Variants in ACADVL observed in about 807,000 individuals in gnomAD.
ACADVL encodes the protein acyl-CoA dehydrogenase very long chain.
A neutral mutation model predicts 80.4 loss-of-function variants in ACADVL; 73 were observed. The observed-to-expected ratio is 0.91, with a 90% CI of 0.75 to 1.10. The LOEUF is 1.10. Ranked by LOEUF, ACADVL falls within the 50% of genes least tolerant of loss-of-function variation. The probability of loss-of-function intolerance (pLI) is 0.00; values close to 1 mark genes in which losing one functional copy is unlikely to be tolerated. For synonymous variants in ACADVL, 392 were observed against 326.5 expected, an observed-to-expected ratio of 1.20 and a Z score of -2.16; for missense variants, 878 against 858.9, an observed-to-expected ratio of 1.02 and a Z score of -0.28.
In ACADVL at chr17:7,222,625, C is replaced by T. The variant is rs758119300; in HGVS notation, c.879-42C>T. On this transcript the variant is annotated intron_variant, in intron 9 of 19. Transcript: ENST00000356839. ...GAGCAGTTTTTCCCCCAGTGACAACCTGTTGAACACACCTCTGCTTTCCCA... is the reference window on the plus strand; with the variant it reads ...GAGCAGTTTTTCCCCCAGTGACAACTTGTTGAACACACCTCTGCTTTCCCA... The T allele has an allele frequency of 3.8e-6, 6 of 1,565,644 alleles. No individual in the cohort carries two copies. In the African/African-American group the frequency reaches 4.1e-5, roughly 11 times the overall value.
chr17:7,223,817 CA>C lies in ACADVL; in HGVS notation c.1275del (p.Ala426ProfsTer4). 1 of 1,614,124 alleles carries C rather than the reference CA, an allele frequency of 6.2e-7. No homozygotes were observed. The highest frequency in any genetic ancestry group is 8.5e-7 in the Non-Finnish European group (1 of 1,180,028). On this transcript the variant is annotated frameshift_variant, in exon 13 of 20. Coordinates refer to ENST00000356839, the MANE Select transcript of ACADVL (RefSeq NM_000018.4). LOFTEE classifies it high-confidence loss of function. ...AAISKIFGSE[A>X]AWKVTDECIQ... ...TCATCTGTTCTTTGTCCCTAGGAGG[CA>C]GCCTGGAAGGTGACAGATGAATGCA...
intron 18 of ACADVL, 35 bp from the exon 19 acceptor site, chr17:7,224,774 G>A (rs1324290679): frequency 2.5e-6 from 4 of 1,613,790 alleles, no homozygotes; most frequent in Non-Finnish European, 2.5e-6. Context: ...ATCCCAGCCG[G>A]CCCAGATTTA....
chr17:7,217,206 C>T (rs757028100), upstream of ACADVL: 12 of 1,263,786 alleles, frequency 9.5e-6, no homozygotes, highest in Non-Finnish European at 1.2e-5. Context: ...GAGTTTCGTT[C>T]CTCCCCTCCG....
intron 9 of ACADVL, 174 bp downstream of exon 9, chr17:7,222,476 C>A: frequency 8.4e-7 from 1 of 1,186,022 alleles, no homozygotes; most frequent in Non-Finnish European, 1.2e-6. Flanking sequence ...CTCCAGCAAC[C>A]AAGTCCAACA....
At chr17:7,217,328 G>T, upstream of ACADVL, 1 of 855,440 alleles carries the variant, frequency 1.2e-6, no homozygotes, top group Non-Finnish European at 1.6e-6. Context: ...AGGGGAGCGT[G>T]GGAGGGAGGG....
At chr17:7,219,637 G>T, upstream of ACADVL, 1 of 1,239,594 alleles carries the variant, frequency 8.1e-7, no homozygotes, top group Non-Finnish European at 1.0e-6. Flanking sequence ...CACCGGAGAA[G>T]CCCTCCCTTC....
At chr17:7,217,672 T>A (rs1409737578), upstream of ACADVL, 1 of 1,141,386 alleles carries the variant, frequency 8.8e-7, no homozygotes, top group Non-Finnish European at 1.1e-6. Context: ...GGAGCCAGAA[T>A]GGGGGGGGTG....
rs762020897 is a variant in ACADVL, at chr17:7,224,879, A to T, written c.1822A>T (p.Ile608Phe). 1 of 1,614,072 alleles carries T rather than the reference A, an allele frequency of 6.2e-7. No individual in the cohort carries two copies. Among genetic ancestry groups the T allele is most frequent in the Admixed American group, 1.7e-5 (1 of 60,026 alleles). ...GAAAATGCTCTGTGACACCTGGTGT[A>T]TCGAGGTGAGACTCGGGGCTGCCAA... is the stretch of plus-strand genomic sequence containing the variant. Reference protein sequence around the residue: ...HEKMLCDTWCIEAAARIREGM... With the variant: ...HEKMLCDTWCFEAAARIREGM... The change falls in exon 19 of 20, where the codon ATC becomes TTC. Residue 608 changes from isoleucine to phenylalanine, a missense_variant. Physicochemically the swap from Ile to Phe is conservative, Grantham distance 21 (BLOSUM62 0). Coordinates refer to ENST00000356839, the MANE Select transcript of ACADVL (RefSeq NM_000018.4).
At chr17:7,220,889 A>G in intron 5 of ACADVL, 35 bp from the exon 6 acceptor site, 1 of 1,614,080 alleles carries the variant, frequency 6.2e-7, no homozygotes, top group Non-Finnish European at 8.5e-7. Context: ...TAAGCTCAAA[A>G]GGAGCCTGGA....
chr17:7,219,751 C>A (rs1409315170), upstream of ACADVL: 7 of 1,455,554 alleles, frequency 4.8e-6, no homozygotes, highest in South Asian at 4.1e-5. Context: ...GTCGGACGGG[C>A]GGGATTAAGG....
chr17:7,222,378 C>A, intron 9 of ACADVL, 76 bp downstream of exon 9: 1 of 1,579,500 alleles, frequency 6.3e-7, no homozygotes, highest in South Asian at 1.2e-5. Context: ...TGTTGCAAGT[C>A]ACCCTGGGGA....
chr17:7,219,368 AC>A (rs1396104521), upstream of ACADVL: 2 of 1,007,692 alleles, frequency 2.0e-6, no homozygotes, highest in Non-Finnish European at 2.4e-6. Context: ...CAGAGGCTTT[AC>A]TAAGGGAGGG....
At position 7,224,924 on chromosome 17, in the gene ACADVL, G is replaced by A. The variant is rs376013149; in HGVS notation, c.1828-33G>A. On this transcript the variant is annotated intron_variant, in intron 19 of 19. Coordinates refer to ENST00000356839, the MANE Select transcript of ACADVL (RefSeq NM_000018.4). ...TGCCAAGCTCAGGTGAGGGCTGGAG[G>A]TGCAGGCCCAACCCCTCCTTCCCTC... The A allele has an allele frequency of 4.3e-6, 7 of 1,614,052 alleles. No individual in the cohort carries two copies. The African/African-American group carries it at 8.0e-5, about 18-fold the overall frequency.
chr17:7,225,216 C>A lies in ACADVL; in HGVS notation c.*119C>A. 1 of 1,373,028 alleles carries A rather than the reference C, an allele frequency of 7.3e-7. No individual in the cohort carries two copies. Among genetic ancestry groups the A allele is most frequent in the Non-Finnish European group, 1.0e-6 (1 of 978,648 alleles). The allele number at this position is 1,373,028 out of a possible 1,614,324, so 85.1% of individuals were successfully genotyped here. ...CCTAGTGTTCCCAGCACTGTGCCTG[C>A]TCTCAAGAGCACTTACTGCCTCGCA... On this transcript the variant is annotated 3_prime_UTR_variant, in exon 20 of 20. Transcript: ENST00000356839.
Position 7,220,049 on chromosome 17 carries a change from CTG to C in ACADVL, c.62+10_62+11del, listed in dbSNP as rs777656865. 1.9e-6 allele frequency: 3 copies of C among 1,602,868 alleles called. No homozygotes were observed. In the Middle Eastern group the frequency reaches 5.0e-4, roughly 265 times the overall value. On this transcript the variant is annotated splice_donor_5th_base_variant and intron_variant, in intron 1 of 19. Coordinates refer to ENST00000356839, the MANE Select transcript of ACADVL (RefSeq NM_000018.4). ...CTGCTGAGGCTCGGGGGCGGAAGGT[CTG>C]TGTGTGACAAGAGGGACGGTGGGCA...
chr17:7,219,305 G>A (rs2017365), upstream of ACADVL: 455,276 of 757,688 alleles, frequency 0.6, 139,323 homozygotes, highest in Middle Eastern at 0.72. Flanking sequence ...CTGGGCACAT[G>A]GTCTCTGGAA....
chr17:7,221,339 C>A, intron 6 of ACADVL, 199 bp from the exon 7 acceptor site: 1 of 1,015,352 alleles, frequency 9.8e-7, no homozygotes, highest in Non-Finnish European at 1.5e-6. Flanking sequence ...CCTACCTAGA[C>A]CTAAGACAGA....
rs1555528999 is a variant in ACADVL at position 7,224,635 on chromosome 17, CG to C, written c.1679-5del. 6.5e-7 allele frequency: 1 copy of C among 1,546,264 alleles called. No individual in the cohort carries two copies. The highest frequency in any genetic ancestry group is 2.1e-4 in the Middle Eastern group (1 of 4,862). ...CCACCCCCACCCCCACCCCACCTAC[CG>C]GACAGATGAACAGTTTCTGCTGCAG... is the stretch of plus-strand genomic sequence containing the variant. On this transcript the variant is annotated splice_polypyrimidine_tract_variant and splice_region_variant and intron_variant, in intron 17 of 19. Coordinates refer to ENST00000356839, the MANE Select transcript of ACADVL (RefSeq NM_000018.4).
chr17:7,220,046 G>A lies in ACADVL; in HGVS notation c.62G>A (p.Ser21Asn), dbSNP rs753922855. The A allele has an allele frequency of 1.9e-6, 3 of 1,603,378 alleles. No homozygotes were observed. The Admixed American group carries it at 5.0e-5, about 27-fold the overall frequency. ...GRQLLRLGGG[S>N]SRLTALLGQP... is the part of the protein sequence containing the mutation. ...CAGCTGCTGAGGCTCGGGGGCGGAA[G>A]GTCTGTGTGTGACAAGAGGGACGGT... Residue 21 changes from serine to asparagine, a missense_variant and splice_region_variant, in exon 1 of 20, where the codon AGC (serine) becomes AAC (asparagine). Transcript: ENST00000356839.
Sources: allele counts gnomAD v4.1 joint callset, GRCh38; gene constraint gnomAD v4.1.1; transcripts MANE v1.5; gene names NCBI Gene and HGNC (gene_info 2026-07-23, HGNC 2026-07-21).